Variants in ZNF790 observed in about 807,000 individuals in gnomAD.
The protein encoded by ZNF790 is zinc finger protein 790.
ZNF790 carries 8 observed loss-of-function variants against 12.1 expected under a neutral mutation model. The ratio of observed to expected loss-of-function variants is 0.66; its 90% confidence interval spans 0.39 to 1.19. The LOEUF (loss-of-function observed/expected upper bound fraction) is 1.19. Among genes scored for constraint, ZNF790 ranks in the 50% most tolerant of loss-of-function variants. The probability of loss-of-function intolerance (pLI) is 0.01; values close to 1 mark genes in which losing one functional copy is unlikely to be tolerated. For synonymous variants in ZNF790, 252 were observed against 244.3 expected, an observed-to-expected ratio of 1.03 and a Z score of -0.29; for missense variants, 707 against 752.2, an observed-to-expected ratio of 0.94 and a Z score of 0.70.
intron 1 of ZNF790, among the ~76,000 whole-genome samples, chr19:36,848,302 G>A (rs1321830239): frequency 6.6e-6 from 1 of 152,184 alleles, no homozygotes; most frequent in Admixed American, 6.5e-5. Flanking sequence ...AAGGAAAAGG[G>A]CTGAAGGTTG....
chr19:36,832,824 A>AT (rs1184401348), intron 1 of ZNF790, among the ~76,000 whole-genome samples: 5 of 152,202 alleles, frequency 3.3e-5, no homozygotes, highest in African/African-American at 1.2e-4. Context: ...TGATTGCCTC[A>AT]TTTGTGATAA....
rs748061931 is a variant in ZNF790 at position 36,819,998 on chromosome 19, A to AT, written c.345dup (p.Cys116MetfsTer3). The stretch of plus-strand genomic sequence containing the variant: ...TTGCCTTCCCAGTCACCTCTAAAAC[A>AT]TAAACAGTCAAGGCTGTGGTTTTTA... On this transcript the variant is annotated frameshift_variant, in exon 5 of 5. Transcript: ENST00000356725. LOFTEE classifies it low-confidence loss of function (END_TRUNC). 1.2e-6 allele frequency: 2 copies of AT among 1,614,024 alleles called. No individual in the cohort carries two copies. The highest frequency in any genetic ancestry group is 2.7e-5 in the African/African-American group (2 of 75,056).
chr19:36,841,629 A>T (rs973196912), upstream of ZNF790, among the ~76,000 whole-genome samples: 3 of 150,084 alleles, frequency 2.0e-5, no homozygotes, highest in Non-Finnish European at 4.4e-5. Context: ...CAAAAAATAT[A>T]TATATATATT....
upstream of ZNF790, among the ~76,000 whole-genome samples, chr19:36,840,128 A>T (rs1054874720): frequency 1.3e-5 from 2 of 152,156 alleles, no homozygotes; most frequent in Admixed American, 6.5e-5. Context: ...AATTGTACAA[A>T]TTTTCTGTCT....
chr19:36,818,549 T>TA lies in ZNF790; in HGVS notation c.1794dup (p.Ser599Ter), dbSNP rs887511470. ...TGTTGAGCAAAGTTTGACTCATGAC[T>TA]AAAGGTGTTCCCATAGTCTGTCCAT... On this transcript the variant is annotated frameshift_variant, in exon 5 of 5. Coordinates refer to ENST00000356725, the MANE Select transcript of ZNF790 (RefSeq NM_206894.4). LOFTEE classifies it low-confidence loss of function (END_TRUNC). 6.2e-7 allele frequency: 1 copy of TA among 1,608,242 alleles called. No individual in the cohort carries two copies. The highest frequency in any genetic ancestry group is 1.3e-5 in the African/African-American group (1 of 74,852).
upstream of ZNF790, among the ~76,000 whole-genome samples, chr19:36,838,978 A>G (rs1161861687): frequency 6.6e-6 from 1 of 152,228 alleles, no homozygotes; most frequent in Admixed American, 6.5e-5. This position sits in a 1 kb window ranked among gnomAD's most constrained non-coding sequence, Gnocchi z 4.4. Flanking sequence ...ACACAGCTAC[A>G]TGCCCAGCCC....
In ZNF790 at chr19:36,819,061, C is replaced by T; in HGVS notation, c.1283G>A (p.Gly428Glu). The change falls in exon 5 of 5, where the codon GGG becomes GAG. Residue 428 changes from glycine to glutamate, a missense_variant. By Grantham distance (98) the Gly-to-Glu change is moderately conservative. Transcript: ENST00000356725. The stretch of plus-strand genomic sequence containing the variant: ...ATACGAAGCCCAAGTAAAAGTCTTC[C>T]CGCATTGCTTACATTCATAAGGTTT... ...GRKPYECKQCGKTFTWASYLA... is the reference protein window; with the variant it reads ...GRKPYECKQCEKTFTWASYLA... 6.2e-7 allele frequency: 1 copy of T among 1,614,044 alleles called. No homozygotes were observed.
Position 36,819,463 on chromosome 19 carries a change from C to T in ZNF790, c.881G>A (p.Gly294Asp). 2 of 1,610,106 alleles carry T rather than the reference C, an allele frequency of 1.2e-6. No homozygotes were observed. Among genetic ancestry groups the T allele is most frequent in the South Asian group, 1.1e-5 (1 of 90,762 alleles). The change falls in exon 5 of 5, where the codon GGC becomes GAC. Residue 294 changes from glycine to aspartate, a missense_variant. Transcript: ENST00000356725. Reference sequence around the variant, plus strand: ...TCTCTGATGTCGAGTAAGATCTGAGCCACAACTAAAGGCCTTCCCACATTC... The same window carrying T: ...TCTCTGATGTCGAGTAAGATCTGAGTCACAACTAAAGGCCTTCCCACATTC... The part of the protein sequence containing the change: ...CKECGKAFSC[G>D]SDLTRHQRIH...
intron 1 of ZNF790, among the ~76,000 whole-genome samples, chr19:36,843,981 T>A (rs1410466257): frequency 1.4e-5 from 2 of 144,520 alleles, no homozygotes; most frequent in East Asian, 4.1e-4. Flanking sequence ...CACTCCAGCC[T>A]TGGCAACAAG....
chr19:36,823,151 C>G, intron 4 of ZNF790, 134 bp downstream of exon 4: 1 of 697,010 alleles, frequency 1.4e-6, no homozygotes, highest in Non-Finnish European at 2.4e-6. Context: ...AGGCGGGAGC[C>G]ACCACACCCG....
At chr19:36,838,778 G>A (rs578098048), upstream of ZNF790, among the ~76,000 whole-genome samples, 94 of 152,332 alleles carry the variant, frequency 6.2e-4, no homozygotes, top group African/African-American at 2.2e-3. The surrounding 1 kb of genome is among the most constrained non-coding windows in gnomAD (Gnocchi z 4.4). Flanking sequence ...GGGATGGTGC[G>A]ATGGTTTTCA....
At chr19:36,842,878 G>A (rs759829331), upstream of ZNF790, among the ~76,000 whole-genome samples, 21 of 151,612 alleles carry the variant, frequency 1.4e-4, 1 homozygote, top group Non-Finnish European at 2.7e-4. Flanking sequence ...AGTGGCGGAT[G>A]CCTGTAATCC....
upstream of ZNF790, among the ~76,000 whole-genome samples, chr19:36,842,665 CA>C (rs531022010): frequency 2.2e-3 from 291 of 133,954 alleles, 2 homozygotes; most frequent in African/African-American, 5.4e-3. Flanking sequence ...AGATATAATA[CA>C]AAAAAAAAAA....
chr19:36,820,489 A>G (rs148518554), intron 4 of ZNF790, among the ~76,000 whole-genome samples: 1 of 152,336 alleles, frequency 6.6e-6, no homozygotes, highest in East Asian at 1.9e-4. Flanking sequence ...AAATAGCAGA[A>G]TATCAGTCTA....
chr19:36,831,445 A>G (rs191164529), intron 1 of ZNF790, among the ~76,000 whole-genome samples: 1 of 151,680 alleles, frequency 6.6e-6, no homozygotes, highest in African/African-American at 2.4e-5. Context: ...TAGCTAGTGC[A>G]GCGGCATGTG....
In ZNF790 at chr19:36,819,736, C is replaced by T; in HGVS notation, c.608G>A (p.Cys203Tyr). 6.2e-7 allele frequency: 1 copy of T among 1,613,808 alleles called. No individual in the cohort carries two copies. The highest frequency in any genetic ancestry group is 2.2e-5 in the East Asian group (1 of 44,866). Residue 203 changes from cysteine (C) to tyrosine (Y), a missense_variant, in exon 5 of 5, where the codon TGT becomes TAT. Transcript: ENST00000356725. ...TSEKFCGDKE[C>Y]GNTFLPDSEV... Reference sequence around the variant, plus strand: ...TGAATCAGGAAGAAAGGTATTCCCACATTCTTTATCTCCACAGAATTTCTC... The same window carrying T: ...TGAATCAGGAAGAAAGGTATTCCCATATTCTTTATCTCCACAGAATTTCTC...
chr19:36,826,324 G>A (rs1043412596), intron 1 of ZNF790, among the ~76,000 whole-genome samples: 2 of 151,880 alleles, frequency 1.3e-5, no homozygotes, highest in Non-Finnish European at 2.9e-5. Context: ...GGTGGCTCTC[G>A]CCTGTAATCC....
chr19:36,842,316 T>A (rs1023688392), upstream of ZNF790, among the ~76,000 whole-genome samples: 2 of 152,050 alleles, frequency 1.3e-5, no homozygotes, highest in African/African-American at 4.8e-5. Flanking sequence ...GCAAAGGGCA[T>A]AAACGGAAAT....
intron 2 of ZNF790, among the ~76,000 whole-genome samples, chr19:36,825,090 G>C (rs1188296925): frequency 2.0e-5 from 3 of 152,166 alleles, no homozygotes; most frequent in African/African-American, 7.2e-5. Flanking sequence ...GCCCTGGATT[G>C]TTAATGATAT....
Sources: gnomAD v4.1 joint callset for allele counts (sites outside exome capture counted in the v4.1 genomes callset) on GRCh38, gnomAD v4.1.1 for gene constraint, Gnocchi (gnomAD v3.1) non-coding constraint, MANE v1.5 for transcripts, NCBI Gene and HGNC (gene_info 2026-07-23, HGNC 2026-07-21) for gene names.